Variants in SLC14A2 observed in about 807,000 individuals in gnomAD.
SLC14A2 encodes the protein urea transporter 2.
A neutral mutation model predicts 104.6 loss-of-function variants in SLC14A2; 91 were observed. That is an observed-to-expected ratio of 0.87 (90% CI 0.73 to 1.04). The LOEUF is 1.04. SLC14A2 is among the 50% of genes least tolerant of loss of function. The probability of loss-of-function intolerance (pLI) is 0.00; values close to 1 mark genes in which losing one functional copy is unlikely to be tolerated. For missense variants in SLC14A2, 1,189 were observed against 1,156.0 expected, an observed-to-expected ratio of 1.03 and a Z score of -0.41; for synonymous variants, 476 against 466.4, an observed-to-expected ratio of 1.02 and a Z score of -0.27.
At chr18:45,663,760 C>T in intron 10 of SLC14A2, 25 bp from the exon 11 acceptor site, 6 of 1,608,894 alleles carry the variant, frequency 3.7e-6, no homozygotes, top group Non-Finnish European at 5.1e-6. Flanking sequence ...GGGACACTGA[C>T]CTGTCTTGTT....
intron 1 of SLC14A2, among the ~76,000 whole-genome samples, chr18:45,452,137 A>T (rs2086868351): frequency 6.6e-6 from 1 of 152,194 alleles, no homozygotes; most frequent in Non-Finnish European, 1.5e-5. Flanking sequence ...GACACTCTCA[A>T]GTTCTGATTT....
In SLC14A2 at chr18:45,313,880, A is replaced by T. The variant is rs60046930; in HGVS notation, c.-125+100689A>T. ...AAGGGCTTTCTGTTCCCTTACCTTCACTATGCCATCCCTCCTGTTTTTATT... is the reference window on the plus strand; with the variant it reads ...AAGGGCTTTCTGTTCCCTTACCTTCTCTATGCCATCCCTCCTGTTTTTATT... On this transcript the variant is annotated intron_variant, in intron 1 of 20. Coordinates refer to the SLC14A2 transcript ENST00000586448. 8.5e-3 allele frequency among the ~76,000 whole-genome samples: 1,297 copies of T among 152,292 alleles called. 22 individuals carry two copies. The highest frequency in any genetic ancestry group is 0.029 in the African/African-American group (1,224 of 41,560).
At chr18:45,643,074 A>G (rs770070966) in intron 8 of SLC14A2, 58 bp from the exon 9 acceptor site, 2 of 1,531,276 alleles carry the variant, frequency 1.3e-6, no homozygotes, top group Admixed American at 1.7e-5. Flanking sequence ...CTGCAATGGC[A>G]GTGGCTTAGG....
intron 2 of SLC14A2, among the ~76,000 whole-genome samples, chr18:45,546,648 C>T (rs2043974706): frequency 6.6e-6 from 1 of 152,210 alleles, no homozygotes; most frequent in East Asian, 1.9e-4. Flanking sequence ...GTTTCGAAGC[C>T]AGACTGATTT....
intron 1 of SLC14A2, among the ~76,000 whole-genome samples, chr18:45,337,911 A>G (rs1368718026): frequency 6.6e-6 from 1 of 152,196 alleles, no homozygotes; most frequent in Non-Finnish European, 1.5e-5. Context: ...CTTTTCCCAG[A>G]TCTAGGAGAG....
At chr18:45,178,493 C>A in the SLC14A2 span, among the ~76,000 whole-genome samples, 1 of 151,790 alleles carries the variant, frequency 6.6e-6, no homozygotes, top group Non-Finnish European at 1.5e-5. Context: ...AGAAGTTTTA[C>A]ATTAATATGA....
At chr18:45,552,486 G>T (rs1179686631) in intron 2 of SLC14A2, among the ~76,000 whole-genome samples, 1 of 145,370 alleles carries the variant, frequency 6.9e-6, no homozygotes, top group East Asian at 2.0e-4. Flanking sequence ...CACAAATACC[G>T]ACTTAGCCCA....
rs569258794 is a variant in SLC14A2, at chr18:45,536,060, G to T, written c.-35+52738G>T. Among the ~76,000 whole-genome samples, 152 of 152,278 alleles carry T rather than the reference G, an allele frequency of 1.0e-3. 2 individuals carry two copies. The highest frequency in any genetic ancestry group is 7.1e-3 in the South Asian group (34 of 4,816). ...CTAGAGTTTTAACCTAAAAATACAGGGATATGAAGAACATTGACTTCCTTT... is the reference window on the plus strand; with the variant it reads ...CTAGAGTTTTAACCTAAAAATACAGTGATATGAAGAACATTGACTTCCTTT... On this transcript the variant is annotated intron_variant, in intron 2 of 20. Coordinates refer to the SLC14A2 transcript ENST00000586448.
intron 1 of SLC14A2, among the ~76,000 whole-genome samples, chr18:45,431,266 T>C (rs2086510283): frequency 6.6e-6 from 1 of 152,120 alleles, no homozygotes. Context: ...TTTAAAAATA[T>C]ATTACACGTC....
intron 1 of SLC14A2, among the ~76,000 whole-genome samples, chr18:45,273,778 CAA>C (rs1238636380): frequency 5.3e-5 from 8 of 152,102 alleles, no homozygotes; most frequent in African/African-American, 1.9e-4. Flanking sequence ...TTGGGTGACA[CAA>C]AATTCTCTTC....
Position 45,635,782 on chromosome 18 carries a change from T to G in SLC14A2, c.651-1208T>G, listed in dbSNP as rs548176133. The stretch of plus-strand genomic sequence containing the variant: ...GCATGTTATATCCTGATGAGAATGA[T>G]CCAAAGAAAAAGAAGAGATTGAAGC... On this transcript the variant is annotated intron_variant, in intron 5 of 19. Coordinates refer to ENST00000255226, the MANE Select transcript of SLC14A2 (RefSeq NM_007163.4). Among the ~76,000 whole-genome samples the G allele has an allele frequency of 2.0e-5, 3 of 152,122 alleles. No individual in the cohort carries two copies. In the South Asian group the frequency reaches 6.2e-4, roughly 32 times the overall value.
rs1318561678 is a variant in SLC14A2, at chr18:45,643,182, G to C, written c.1176+1G>C. On this transcript the variant is annotated splice_donor_variant, in intron 9 of 19. Transcript: ENST00000255226. LOFTEE classifies it high-confidence loss of function. ...AGCCATCTCCAACATCATGTCAGTG[G>C]TAAGTGTGGATTCTCCTGAACACTA... The C allele has an allele frequency of 6.2e-7, 1 of 1,613,720 alleles. No individual in the cohort carries two copies. The highest frequency in any genetic ancestry group is 2.2e-5 in the East Asian group (1 of 44,876).
chr18:45,569,975 ATT>A (rs1216188843), intron 2 of SLC14A2, among the ~76,000 whole-genome samples: 3 of 152,146 alleles, frequency 2.0e-5, no homozygotes, highest in Non-Finnish European at 4.4e-5. Context: ...GACTCTCATC[ATT>A]GTTTTCTGTG....
At chr18:45,288,674 T>C (rs1006802504) in intron 1 of SLC14A2, among the ~76,000 whole-genome samples, 1 of 152,228 alleles carries the variant, frequency 6.6e-6, no homozygotes. Flanking sequence ...TCATAGTTCC[T>C]TCCTCATCCC....
chr18:45,420,584 T>C (rs1266575648), intron 1 of SLC14A2, among the ~76,000 whole-genome samples: 1 of 152,206 alleles, frequency 6.6e-6, no homozygotes, highest in African/African-American at 2.4e-5. Flanking sequence ...CTACCCATGC[T>C]GAGGTTGAGT....
intron 2 of SLC14A2, among the ~76,000 whole-genome samples, chr18:45,560,997 A>C (rs1258529462): frequency 6.6e-6 from 1 of 152,216 alleles, no homozygotes; most frequent in African/African-American, 2.4e-5. Context: ...TACAAAGATA[A>C]GGCATTGTCC....
At position 45,405,293 on chromosome 18, in the gene SLC14A2, A is replaced by G. The variant is rs2086141470; in HGVS notation, c.-124-77940A>G. Among the ~76,000 whole-genome samples the G allele has an allele frequency of 2.0e-5, 3 of 152,292 alleles. No individual in the cohort carries two copies. The South Asian group carries it at 6.2e-4, about 32-fold the overall frequency. ...AGGGAAAAGAACAGAGCAAGTTGGC[A>G]AACTAAGCCAGGAGAGGTTCAAGTA... On this transcript the variant is annotated intron_variant, in intron 1 of 20. Transcript: ENST00000586448.
At chr18:45,202,401 A>G in the SLC14A2 span, among the ~76,000 whole-genome samples, 165 of 152,316 alleles carry the variant, frequency 1.1e-3, no homozygotes, top group South Asian at 5.6e-3. Flanking sequence ...CTAGGGACCA[A>G]TTATGTGATG....
At chr18:45,194,021 A>C in the SLC14A2 span, among the ~76,000 whole-genome samples, 1 of 152,200 alleles carries the variant, frequency 6.6e-6, no homozygotes, top group African/African-American at 2.4e-5. Context: ...TTGGTAATAG[A>C]TAGAAATGCA....
Sources: allele counts gnomAD v4.1 joint callset (sites outside exome capture counted in the v4.1 genomes callset), GRCh38; gene constraint gnomAD v4.1.1; transcripts MANE v1.5; gene names NCBI Gene and HGNC (gene_info 2026-07-23, HGNC 2026-07-21).